The following DCAF6 variants were observed in gnomAD, a reference collection of about 807,000 sequenced individuals.
DCAF6 encodes the protein DDB1 and CUL4 associated factor 6.
Under a neutral mutation model 125.1 loss-of-function variants are expected in DCAF6, and 54 were observed. The observed-to-expected ratio is 0.43, with a 90% CI of 0.35 to 0.54. DCAF6 has a LOEUF of 0.54. Ranked by LOEUF, DCAF6 falls within the 20% of genes least tolerant of loss-of-function variation. The probability of loss-of-function intolerance (pLI) is 0.01; values close to 1 mark genes in which losing one functional copy is unlikely to be tolerated. For synonymous variants in DCAF6, 371 were observed against 390.4 expected, an observed-to-expected ratio of 0.95 and a Z score of 0.58; for missense variants, 934 against 1,161.7, an observed-to-expected ratio of 0.80 and a Z score of 2.85.
At chr1:167,925,440 C>CATATATATAT in the DCAF6 span, among the ~76,000 whole-genome samples, 10 of 49,648 alleles carry the variant, frequency 2.0e-4, no homozygotes, top group East Asian at 2.8e-3. Flanking sequence ...TATACATATA[C>CATATATATAT]ACATATATAT....
chr1:167,867,779 A>G, the DCAF6 span, among the ~76,000 whole-genome samples: 3 of 146,218 alleles, frequency 2.1e-5, no homozygotes, highest in Middle Eastern at 0.01. Flanking sequence ...CTTTAAACTG[A>G]AAAAAAAAAA....
intron 1 of DCAF6, among the ~76,000 whole-genome samples, chr1:167,939,907 C>A (rs1671971647): frequency 6.6e-6 from 1 of 152,094 alleles, no homozygotes; most frequent in African/African-American, 2.4e-5. Flanking sequence ...TGTCTATCTA[C>A]AGGGTTGTAG....
chr1:168,023,116 T>C, intron 12 of DCAF6, 69 bp downstream of exon 12: 1 of 1,439,210 alleles, frequency 6.9e-7, no homozygotes, highest in Admixed American at 1.7e-5. Context: ...TACTAAGCTC[T>C]CTCACACCTT....
At chr1:167,938,245 T>C (rs1434544546) in intron 1 of DCAF6, among the ~76,000 whole-genome samples, 1 of 146,506 alleles carries the variant, frequency 6.8e-6, no homozygotes, top group Non-Finnish European at 1.5e-5. Flanking sequence ...CATATGTACA[T>C]GTACAAATGC....
At chr1:167,962,621 A>G (rs899135222) in intron 2 of DCAF6, among the ~76,000 whole-genome samples, 2 of 152,146 alleles carry the variant, frequency 1.3e-5, no homozygotes, top group Admixed American at 6.5e-5. Context: ...TAAACAACAT[A>G]TATTTGGATC....
chr1:168,011,446 G>A (rs1366582196), intron 10 of DCAF6, among the ~76,000 whole-genome samples: 2 of 152,138 alleles, frequency 1.3e-5, no homozygotes, highest in South Asian at 2.1e-4. Context: ...ATATGATGTG[G>A]TCTGTGTGTG....
chr1:168,037,706 A>G (rs1688018345), intron 12 of DCAF6, among the ~76,000 whole-genome samples: 1 of 152,212 alleles, frequency 6.6e-6, no homozygotes, highest in East Asian at 1.9e-4. Flanking sequence ...GGCTCTTAAA[A>G]TGAAATTGCT....
chr1:167,896,942 C>G, the DCAF6 span, among the ~76,000 whole-genome samples: 4 of 152,168 alleles, frequency 2.6e-5, no homozygotes, highest in Non-Finnish European at 5.9e-5. Flanking sequence ...GGGGACTAAT[C>G]TTATACTTTT....
intron 12 of DCAF6, among the ~76,000 whole-genome samples, chr1:168,030,403 G>C (rs1686920705): frequency 6.6e-6 from 1 of 152,156 alleles, no homozygotes; most frequent in Non-Finnish European, 1.5e-5. Flanking sequence ...GTGACTTTTT[G>C]GACATTTTTA....
At chr1:167,897,997 CAAAAAAAAAAAAAA>C in the DCAF6 span, among the ~76,000 whole-genome samples, 1 of 17,390 alleles carries the variant, frequency 5.8e-5, no homozygotes, top group African/African-American at 3.1e-4. Context: ...GACTCTGTCT[CAAAAAAAAAAAAAA>C]AAAAAAAAAA....
At chr1:167,898,615 G>C in the DCAF6 span, among the ~76,000 whole-genome samples, 1 of 150,350 alleles carries the variant, frequency 6.7e-6, no homozygotes, top group Non-Finnish European at 1.5e-5. Context: ...TTTAAAAAAA[G>C]AATGATTGAA....
At chr1:167,880,544 A>G in the DCAF6 span, 5 of 1,614,070 alleles carry the variant, frequency 3.1e-6, no homozygotes, top group Non-Finnish European at 4.2e-6. Flanking sequence ...CACATTCCAG[A>G]GCATGAGTGA....
At chr1:168,045,732 T>C (rs1287320064) in intron 16 of DCAF6, among the ~76,000 whole-genome samples, 2 of 152,218 alleles carry the variant, frequency 1.3e-5, no homozygotes. Context: ...TGAAAAATTA[T>C]ACCAAATAAA....
chr1:168,001,988 G>A (rs1215977282), intron 7 of DCAF6, among the ~76,000 whole-genome samples: 1 of 152,148 alleles, frequency 6.6e-6, no homozygotes, highest in Non-Finnish European at 1.5e-5. Context: ...CCTGAGGCAA[G>A]TCATAAAGGG....
At chr1:168,062,449 A>G (rs770177497) in intron 17 of DCAF6, among the ~76,000 whole-genome samples, 1 of 152,070 alleles carries the variant, frequency 6.6e-6, no homozygotes, top group African/African-American at 2.4e-5. Context: ...ACCGCTTTCA[A>G]ACTCCTCTCA....
chr1:167,994,045 C>T (rs1681270216), intron 7 of DCAF6, among the ~76,000 whole-genome samples: 1 of 150,164 alleles, frequency 6.7e-6, no homozygotes, highest in Admixed American at 6.6e-5. Context: ...TTAGTAATGA[C>T]AAAAATAGTA....
chr1:167,940,384 G>C (rs968223206), intron 1 of DCAF6, among the ~76,000 whole-genome samples: 1 of 152,072 alleles, frequency 6.6e-6, no homozygotes, highest in Non-Finnish European at 1.5e-5. Flanking sequence ...GTGGGAGGCG[G>C]GGGGCAGGGT....
chr1:167,938,100 T>C (rs1029810931), intron 1 of DCAF6, among the ~76,000 whole-genome samples: 8 of 152,218 alleles, frequency 5.3e-5, no homozygotes, highest in African/African-American at 1.9e-4. Flanking sequence ...ACATTTTGTT[T>C]ATAAAAACTC....
chr1:168,073,457 A>T (rs1693389085), intron 21 of DCAF6, among the ~76,000 whole-genome samples: 1 of 152,224 alleles, frequency 6.6e-6, no homozygotes, highest in Admixed American at 6.5e-5. Flanking sequence ...TGCTTTCCTC[A>T]TTTCAGAAGC....
Sources: allele counts gnomAD v4.1 joint callset (sites outside exome capture counted in the v4.1 genomes callset), GRCh38; gene constraint gnomAD v4.1.1; transcripts MANE v1.5; gene names NCBI Gene and HGNC (gene_info 2026-07-23, HGNC 2026-07-21).